Variants in NALCN observed in about 807,000 individuals in gnomAD.
NALCN encodes sodium leak channel, non-selective.
In NALCN, 111 loss-of-function variants were observed where a neutral mutation model predicts 225.3. The ratio of observed to expected loss-of-function variants is 0.49; its 90% CI spans 0.42 to 0.58. The LOEUF is 0.58. Among genes scored for constraint, NALCN ranks in the 20% least tolerant of loss-of-function variants. The pLI is 0.00. For missense variants in NALCN, 1,378 were observed against 2,202.4 expected (o/e 0.63, Z 7.49); for synonymous variants, 764 against 769.0 (o/e 0.99, Z 0.11).
rs1594342282 is a variant in NALCN, at chr13:101,163,913, A to G, written c.1839+12387T>C. Reference sequence around the variant, plus strand: ...GGGGTCTACTCCATGGGACTTTTCCAGCTGCTTGTGATGCCAGCAATCCTG... The same window carrying G: ...GGGGTCTACTCCATGGGACTTTTCCGGCTGCTTGTGATGCCAGCAATCCTG... On this transcript the variant is annotated intron_variant, in intron 15 of 43. Coordinates refer to ENST00000251127, the MANE Select transcript of NALCN (RefSeq NM_052867.4). 2.0e-5 allele frequency among the ~76,000 whole-genome samples: 3 copies of G among 152,268 alleles called. No individual in the cohort carries two copies. In the East Asian group the frequency reaches 5.8e-4, roughly 29 times the overall value.
chr13:101,358,702 C>A (rs1304731391), intron 6 of NALCN, among the ~76,000 whole-genome samples: 1 of 152,180 alleles, frequency 6.6e-6, no homozygotes, highest in East Asian at 1.9e-4. Context: ...TGGGTATACA[C>A]CCAAAAGAAT....
chr13:101,121,769 C>A (rs1468441630), intron 18 of NALCN, among the ~76,000 whole-genome samples: 7 of 152,104 alleles, frequency 4.6e-5, no homozygotes, highest in Non-Finnish European at 1.0e-4. Flanking sequence ...TCCTGGGAGA[C>A]CCCACTGCTA....
chr13:101,229,642 C>T lies in NALCN; in HGVS notation c.1435-58G>A, dbSNP rs186401525. 4.6e-6 allele frequency: 6 copies of T among 1,306,006 alleles called. No individual in the cohort carries two copies. In the African/African-American group the frequency reaches 7.6e-5, roughly 17 times the overall value. 80.9% of individuals were successfully genotyped at this position (1,306,006 alleles called of 1,614,324 possible). On this transcript the variant is annotated intron_variant, in intron 12 of 43. Transcript: ENST00000251127. ...ATATGATCATTTATTTACACTGAAT[C>T]TTAAATATATTCATACTAAAATATT...
At chr13:101,170,516 C>A (rs1294673903) in intron 15 of NALCN, among the ~76,000 whole-genome samples, 1 of 152,258 alleles carries the variant, frequency 6.6e-6, no homozygotes, top group Non-Finnish European at 1.5e-5. Flanking sequence ...TTAGCCCAGT[C>A]AAGTTGACAC....
chr13:101,400,981 T>A (rs2139515809), intron 1 of NALCN, among the ~76,000 whole-genome samples: 1 of 152,282 alleles, frequency 6.6e-6, no homozygotes, highest in South Asian at 2.1e-4. Context: ...CGACCATGAT[T>A]GTAAGTTTCC....
At chr13:101,173,033 A>T (rs1401648256) in intron 15 of NALCN, among the ~76,000 whole-genome samples, 1 of 152,244 alleles carries the variant, frequency 6.6e-6, no homozygotes, top group Non-Finnish European at 1.5e-5. Context: ...GCGTCTGAGG[A>T]GGATCATCAC....
At chr13:101,336,988 G>A (rs1046084664) in intron 7 of NALCN, among the ~76,000 whole-genome samples, 1 of 152,122 alleles carries the variant, frequency 6.6e-6, no homozygotes, top group African/African-American at 2.4e-5. Flanking sequence ...CTCTAGCCAT[G>A]ATGTGTCTAC....
chr13:101,342,875 G>C (rs567171165), intron 7 of NALCN, among the ~76,000 whole-genome samples: 2 of 152,080 alleles, frequency 1.3e-5, no homozygotes, highest in Non-Finnish European at 2.9e-5. Context: ...AACATCATCA[G>C]TGTTAAATCT....
chr13:101,135,873 G>C (rs1272742373), intron 17 of NALCN, among the ~76,000 whole-genome samples: 1 of 152,196 alleles, frequency 6.6e-6, no homozygotes, highest in Non-Finnish European at 1.5e-5. Flanking sequence ...AGATTTAGCA[G>C]CGGCCTTAAC....
chr13:101,082,033 A>C (rs1433405479), intron 33 of NALCN, among the ~76,000 whole-genome samples: 1 of 151,688 alleles, frequency 6.6e-6, no homozygotes, highest in Admixed American at 6.6e-5. Flanking sequence ...ACGTGCAACC[A>C]CTCCTGGCTA....
chr13:101,062,628 A>C (rs1386893679), intron 40 of NALCN, among the ~76,000 whole-genome samples: 1 of 151,646 alleles, frequency 6.6e-6, no homozygotes, highest in East Asian at 1.9e-4. Context: ...TTTGAGATGG[A>C]GCTTCACTCT....
At chr13:101,076,862 A>C (rs2033289706) in intron 34 of NALCN, among the ~76,000 whole-genome samples, 1 of 152,072 alleles carries the variant, frequency 6.6e-6, no homozygotes, top group Admixed American at 6.6e-5. Flanking sequence ...AGTCTACTTG[A>C]CTTTTGCTTG....
chr13:101,350,832 C>T (rs1235540087), intron 6 of NALCN, among the ~76,000 whole-genome samples: 1 of 152,136 alleles, frequency 6.6e-6, no homozygotes, highest in Non-Finnish European at 1.5e-5. Flanking sequence ...AGGTCACTGG[C>T]CTACCACATC....
chr13:101,217,287 G>T (rs543258069), intron 13 of NALCN, among the ~76,000 whole-genome samples: 1 of 152,162 alleles, frequency 6.6e-6, no homozygotes, highest in Non-Finnish European at 1.5e-5. Flanking sequence ...GACCTGTACA[G>T]GCTGTTCCAG....
At chr13:101,257,224 T>TTTC (rs1414544988) in intron 11 of NALCN, among the ~76,000 whole-genome samples, 1 of 150,898 alleles carries the variant, frequency 6.6e-6, no homozygotes, top group African/African-American at 2.4e-5. Context: ...TTTTTTTTTT[T>TTTC]TTTGCTAGAT....
intron 1 of NALCN, among the ~76,000 whole-genome samples, chr13:101,405,870 G>C (rs2047605706): frequency 1.3e-5 from 2 of 152,104 alleles, no homozygotes; most frequent in South Asian, 4.2e-4. Context: ...CCATGAAAAA[G>C]TGCTTTGGGA....
chr13:101,387,767 T>C (rs193018911), intron 3 of NALCN, among the ~76,000 whole-genome samples: 5 of 152,180 alleles, frequency 3.3e-5, no homozygotes, highest in South Asian at 2.1e-4. Flanking sequence ...CTGAAAGGTA[T>C]AGAACTTCGA....
intron 6 of NALCN, among the ~76,000 whole-genome samples, chr13:101,362,663 C>G (rs77662791): frequency 0.044 from 6,628 of 152,126 alleles, 222 homozygotes; most frequent in East Asian, 0.11. Context: ...GAAAGCCTTT[C>G]TGCTAAGATC....
At chr13:101,201,008 A>G (rs1202616425) in intron 13 of NALCN, among the ~76,000 whole-genome samples, 1 of 152,182 alleles carries the variant, frequency 6.6e-6, no homozygotes, top group Non-Finnish European at 1.5e-5. Flanking sequence ...TAAGTAGAAT[A>G]TATAGTACCA....
Sources: gnomAD v4.1 joint callset for allele counts (sites outside exome capture counted in the v4.1 genomes callset) on GRCh38, gnomAD v4.1.1 for gene constraint, MANE v1.5 for transcripts, NCBI Gene and HGNC (gene_info 2026-07-23, HGNC 2026-07-21) for gene names.